Variants in TMEM132A observed in about 807,000 individuals in gnomAD.
TMEM132A encodes GRP78-binding protein.
TMEM132A carries 48 observed loss-of-function variants against 69.9 expected under a neutral mutation model. The ratio of observed to expected loss-of-function variants is 0.69; its 90% CI spans 0.55 to 0.87. TMEM132A has a LOEUF of 0.87. Among genes scored for constraint, TMEM132A ranks in the 40% least tolerant of loss-of-function variants. The pLI is 0.00. For synonymous variants in TMEM132A, 577 were observed against 613.7 expected, an observed-to-expected ratio of 0.94 and a Z score of 0.88; for missense variants, 1,287 against 1,407.2, an observed-to-expected ratio of 0.91 and a Z score of 1.37.
In TMEM132A at chr11:60,930,629, A is replaced by G; in HGVS notation, c.986A>G (p.His329Arg). 1 of 1,612,844 alleles carries G rather than the reference A, an allele frequency of 6.2e-7. No homozygotes were observed. Among genetic ancestry groups the G allele is most frequent in the Non-Finnish European group, 8.5e-7 (1 of 1,179,560 alleles). ...CACCACACCACCCTCATCACCTGCC[A>G]CCGTGCTGGGCTCACAGAGCCAGAT... ...SRHHTTLITC[H>R]RAGLTEPDSS... is the part of the protein sequence containing the mutation. The change falls in exon 5 of 11, where the codon CAC (histidine) becomes CGC (arginine). Residue 329 changes from histidine (H) to arginine (R), a missense_variant. His to Arg is a conservative substitution (Grantham distance 29, BLOSUM62 0). Coordinates refer to ENST00000453848, the MANE Select transcript of TMEM132A (RefSeq NM_178031.3).
At chr11:60,929,392 G>T (rs949706317) in intron 4 of TMEM132A, among the ~76,000 whole-genome samples, 10 of 152,196 alleles carry the variant, frequency 6.6e-5, no homozygotes, top group African/African-American at 2.2e-4. Context: ...CGCCGTAGGA[G>T]TCTAGCCTTT....
Position 60,936,304 on chromosome 11 carries a change from C to G in TMEM132A, c.2469C>G (p.Thr823=), listed in dbSNP as rs376051447. 1.1e-5 allele frequency: 17 copies of G among 1,613,730 alleles called. No individual in the cohort carries two copies. In the African/African-American group the frequency reaches 1.5e-4, roughly 14 times the overall value. ...AGGAGGAGGCCAGGAAGGAGGAGAC[C>G]GAAGCCAGGGAGGAGGAGGAGGAAG... The part of the protein sequence containing the change: ...RAEEEARKEE[T]EAREEEEEEE... Residue 823 remains threonine, a synonymous_variant, in exon 11 of 11, where the codon ACC becomes ACG. Transcript: ENST00000453848.
chr11:60,930,308 C>T (rs2072097), intron 4 of TMEM132A, among the ~76,000 whole-genome samples: 32,259 of 151,982 alleles, frequency 0.21, 4,596 homozygotes, highest in East Asian at 0.65. Context: ...AGTGGGGAGG[C>T]GTAAGTGGTC....
chr11:60,930,802 A>G lies in TMEM132A; in HGVS notation c.1016+143A>G, dbSNP rs1856464763. 1.1e-5 allele frequency: 9 copies of G among 786,158 alleles called. No individual in the cohort carries two copies. In the East Asian group the frequency reaches 2.7e-4, roughly 23 times the overall value. The allele number at this position is 786,158 out of a possible 1,614,324, so 48.7% of individuals were successfully genotyped here. On this transcript the variant is annotated intron_variant, in intron 5 of 10. Coordinates refer to ENST00000453848, the MANE Select transcript of TMEM132A (RefSeq NM_178031.3). ...ACAGATTTTTTCAAGGAAGCAGCAC[A>G]AAGCAGGCATAATCCATTCCTTCAT...
At chr11:60,931,324 G>A (rs948630444) in intron 5 of TMEM132A, among the ~76,000 whole-genome samples, 1 of 152,216 alleles carries the variant, frequency 6.6e-6, no homozygotes, top group Non-Finnish European at 1.5e-5. Flanking sequence ...TCAAGTGTCT[G>A]GTCCTGGGAC....
intron 3 of TMEM132A, 142 bp from the exon 4 acceptor site, chr11:60,928,487 A>T: frequency 1.3e-6 from 1 of 768,554 alleles, no homozygotes; most frequent in Non-Finnish European, 2.1e-6. Context: ...TTGCTGTGTC[A>T]CTCAGGCTGT....
At position 60,936,319 on chromosome 11, in the gene TMEM132A, G is replaced by A. The variant is rs1217434462; in HGVS notation, c.2484G>A (p.Glu828=). 12 of 1,613,610 alleles carry A rather than the reference G, an allele frequency of 7.4e-6. No homozygotes were observed. In the Middle Eastern group the frequency reaches 8.2e-4, roughly 111 times the overall value. The change falls in exon 11 of 11, where the codon GAG becomes GAA. Residue 828 remains glutamate, a synonymous_variant. Coordinates refer to ENST00000453848, the MANE Select transcript of TMEM132A (RefSeq NM_178031.3). Reference sequence around the variant, plus strand: ...AGGAGGAGACCGAAGCCAGGGAGGAGGAGGAGGAAGAGGAGGAGGAGATGG... The same window carrying A: ...AGGAGGAGACCGAAGCCAGGGAGGAAGAGGAGGAAGAGGAGGAGGAGATGG... ...ARKEETEARE[E]EEEEEEEMVP...
rs1565119383 is a variant in TMEM132A at position 60,927,864 on chromosome 11, G to C, written c.534+5G>C. Reference sequence around the variant, plus strand: ...CACCAAGCCTGCCGCTTCCAGGTGAGTAGACAGGCCCCACCTAGGCTGGTC... The same window carrying C: ...CACCAAGCCTGCCGCTTCCAGGTGACTAGACAGGCCCCACCTAGGCTGGTC... On this transcript the variant is annotated splice_donor_5th_base_variant and intron_variant, in intron 3 of 10. Coordinates refer to ENST00000453848, the MANE Select transcript of TMEM132A (RefSeq NM_178031.3). The C allele has an allele frequency of 3.7e-6, 6 of 1,605,334 alleles. No individual in the cohort carries two copies. The highest frequency in any genetic ancestry group is 1.3e-5 in the African/African-American group (1 of 74,954).
rs775720019 is a variant in TMEM132A, at chr11:60,924,706, G to T, written c.73G>T (p.Val25Leu). The change falls in exon 1 of 11, where the codon GTG becomes TTG. Residue 25 changes from valine (V) to leucine (L), a missense_variant. Physicochemically the swap from Val to Leu is conservative, Grantham distance 32 (BLOSUM62 1). Coordinates refer to ENST00000453848, the MANE Select transcript of TMEM132A (RefSeq NM_178031.3). ...CTACGGCCCCTGGCTCTGCCTCCTG[G>T]TGGCCCTCGCCCTGGACGTCGTGAG... ...GPYGPWLCLL[V>L]ALALDVVRVD... 1 of 1,587,740 alleles carries T rather than the reference G, an allele frequency of 6.3e-7. No individual in the cohort carries two copies. The highest frequency in any genetic ancestry group is 8.5e-7 in the Non-Finnish European group (1 of 1,174,236).
In TMEM132A at chr11:60,930,564, A is replaced by G; in HGVS notation, c.921A>G (p.Thr307=). Residue 307 remains threonine, a synonymous_variant, in exon 5 of 11, where the codon ACA becomes ACG. Coordinates refer to ENST00000453848, the MANE Select transcript of TMEM132A (RefSeq NM_178031.3). ...CAGCCGCCCGCCCAGCCCAGCCCACACTCTGGACTGCCAAGCTGGACCGCT... is the reference window on the plus strand; with the variant it reads ...CAGCCGCCCGCCCAGCCCAGCCCACGCTCTGGACTGCCAAGCTGGACCGCT... ...HVTAARPAQP[T]LWTAKLDRFK... is the part of the protein sequence containing the mutation. The G allele has an allele frequency of 1.2e-6, 2 of 1,612,944 alleles. No homozygotes were observed. The highest frequency in any genetic ancestry group is 1.1e-5 in the South Asian group (1 of 90,968).
At chr11:60,927,164 T>C in intron 1 of TMEM132A, 40 bp from the exon 2 acceptor site, 1 of 1,576,484 alleles carries the variant, frequency 6.3e-7, no homozygotes, top group Non-Finnish European at 8.7e-7. Flanking sequence ...CCCTGCCAGC[T>C]CTGGAGCTGT....
intron 3 of TMEM132A, 94 bp downstream of exon 3, chr11:60,927,953 A>T: frequency 8.9e-7 from 1 of 1,122,350 alleles, no homozygotes; most frequent in Non-Finnish European, 1.2e-6. Flanking sequence ...ACTCCTGGGA[A>T]GCGCGGGGGT....
chr11:60,936,371 C>T lies in TMEM132A; in HGVS notation c.2536C>T (p.Leu846=), dbSNP rs143481828. The T allele has an allele frequency of 4.0e-5, 64 of 1,614,044 alleles. No homozygotes were observed. Among genetic ancestry groups the T allele is most frequent in the Non-Finnish European group, 2.6e-5 (31 of 1,180,018 alleles). Residue 846 remains leucine, a synonymous_variant, in exon 11 of 11, where the codon CTA becomes TTA. Coordinates refer to ENST00000453848, the MANE Select transcript of TMEM132A (RefSeq NM_178031.3). ...MVPAPQHVTE[L]ELGMYALLGV... The stretch of plus-strand genomic sequence containing the variant: ...CCCTGCCCCTCAGCATGTCACTGAG[C>T]TAGAGCTGGGCATGTACGCCCTGCT...
Position 60,934,689 on chromosome 11 carries a change from G to C in TMEM132A, c.1761G>C (p.Val587=), listed in dbSNP as rs368744722. The part of the protein sequence containing the change: ...VSHLVAPHAR[V]LDSRVASLEG... ...ACCTCGTGGCGCCACACGCCCGCGT[G>C]CTGGACTCGCGTGTAGCCTCTCTGG... The change falls in exon 9 of 11, where the codon GTG becomes GTC. Residue 587 remains valine, a synonymous_variant. Coordinates refer to ENST00000453848, the MANE Select transcript of TMEM132A (RefSeq NM_178031.3). 48 of 1,605,216 alleles carry C rather than the reference G, an allele frequency of 3.0e-5. No individual in the cohort carries two copies. Among genetic ancestry groups the C allele is most frequent in the Non-Finnish European group, 3.9e-5 (46 of 1,179,590 alleles).
chr11:60,931,259 C>T (rs1275535227), intron 5 of TMEM132A, among the ~76,000 whole-genome samples: 2 of 152,234 alleles, frequency 1.3e-5, no homozygotes, highest in Admixed American at 6.5e-5. Context: ...GCACCCAGGA[C>T]GGTTCCCAGC....
At chr11:60,930,997 A>C (rs1251096406) in intron 5 of TMEM132A, among the ~76,000 whole-genome samples, 1 of 152,124 alleles carries the variant, frequency 6.6e-6, no homozygotes, top group Non-Finnish European at 1.5e-5. Flanking sequence ...TGGGCCGTTC[A>C]CATTCCCCCA....
Position 60,936,611 on chromosome 11 carries a change from G to A in TMEM132A, c.2776G>A (p.Glu926Lys). Residue 926 changes from glutamate (E) to lysine (K), a missense_variant, in exon 11 of 11, where the codon GAG becomes AAG. Glu to Lys is a moderately conservative substitution (Grantham distance 56). Coordinates refer to ENST00000453848, the MANE Select transcript of TMEM132A (RefSeq NM_178031.3). The part of the protein sequence containing the change: ...PPKGEGSCPC[E>K]SGGGGEAPTL... ...CAAGGGGGAGGGGAGCTGCCCCTGT[G>A]AGAGTGGGGGAGGAGGGGAGGCCCC... The A allele has an allele frequency of 6.3e-7, 1 of 1,579,340 alleles. No individual in the cohort carries two copies. The highest frequency in any genetic ancestry group is 8.6e-7 in the Non-Finnish European group (1 of 1,162,532).
At position 60,928,901 on chromosome 11, in the gene TMEM132A, G is replaced by C. The variant is rs1360351116; in HGVS notation, c.807G>C (p.Gln269His). The change falls in exon 4 of 11, where the codon CAG becomes CAC. Residue 269 changes from glutamine (Q) to histidine (H), a missense_variant. Coordinates refer to ENST00000453848, the MANE Select transcript of TMEM132A (RefSeq NM_178031.3). ...RVPDMPVRPG[Q>H]LFSATLLLRH... ...CTGACATGCCAGTGCGGCCCGGCCA[G>C]CTCTTTAGTGCTACCCTCCTGCTTC... 1 of 1,612,612 alleles carries C rather than the reference G, an allele frequency of 6.2e-7. No homozygotes were observed. Among genetic ancestry groups the C allele is most frequent in the Non-Finnish European group, 8.5e-7 (1 of 1,180,018 alleles).
chr11:60,931,819 G>T lies in TMEM132A; in HGVS notation c.1147G>T (p.Asp383Tyr), dbSNP rs1414520611. ...YPGQAPEAEK[D>Y]KMVWEILVSE... The stretch of plus-strand genomic sequence containing the variant: ...AGGCCAGGCCCCTGAAGCAGAGAAG[G>T]ACAAAATGGTGTGGGAAATCCTGGT... Residue 383 changes from aspartate to tyrosine, a missense_variant, in exon 6 of 11, where the codon GAC becomes TAC. Asp to Tyr is a radical substitution (Grantham distance 160). Coordinates refer to ENST00000453848, the MANE Select transcript of TMEM132A (RefSeq NM_178031.3). 1.2e-6 allele frequency: 2 copies of T among 1,614,236 alleles called. No homozygotes were observed. Among genetic ancestry groups the T allele is most frequent in the Admixed American group, 3.3e-5 (2 of 60,032 alleles).
Sources: gnomAD v4.1 joint callset for allele counts (sites outside exome capture counted in the v4.1 genomes callset) on GRCh38, gnomAD v4.1.1 for gene constraint, MANE v1.5 for transcripts, NCBI Gene and HGNC (gene_info 2026-07-23, HGNC 2026-07-21) for gene names.